MFSD12: variants seen among roughly 807,000 people sequenced by gnomAD.
The protein encoded by MFSD12 is major facilitator superfamily domain containing 12, also known as major facilitator superfamily domain-containing protein 12.
In MFSD12, 67 loss-of-function variants were observed where a neutral mutation model predicts 51.2. The ratio of observed to expected loss-of-function variants is 1.31; its 90% confidence interval spans 1.08 to 1.60. MFSD12 has a LOEUF of 1.60. Among genes scored for constraint, MFSD12 ranks in the 40% most tolerant of loss-of-function variants. The probability of loss-of-function intolerance (pLI) is 0.00; values close to 1 mark genes in which losing one functional copy is unlikely to be tolerated. For synonymous variants in MFSD12, 441 were observed against 316.7 expected (o/e 1.39, Z -4.17); for missense variants, 921 against 673.0 (o/e 1.37, Z -4.08).
downstream of MFSD12, among the ~76,000 whole-genome samples, chr19:3,540,438 A>G (rs1003381678): frequency 2.6e-5 from 4 of 151,226 alleles, no homozygotes; most frequent in African/African-American, 9.7e-5. Context: ...TTGTATTTTT[A>G]GTAGAGACGG....
At position 3,547,917 on chromosome 19, in the gene MFSD12, C is replaced by T. The variant is rs778091634; in HGVS notation, c.768G>A (p.Leu256=). The T allele has an allele frequency of 1.3e-6, 2 of 1,580,448 alleles. No homozygotes were observed. Among genetic ancestry groups the T allele is most frequent in the Admixed American group, 2.0e-5 (1 of 50,530 alleles). Residue 256 remains leucine, a synonymous_variant, in exon 4 of 10, where the codon CTG becomes CTA. Coordinates refer to ENST00000355415, the MANE Select transcript of MFSD12 (RefSeq NM_174983.5). ...GGGGCTGGGCCGTGGCAGGGGCCAA[C>T]AGGGGGGTGTGCTCGCCTGGCTCCT... The part of the protein sequence containing the change: ...HAEEPGEHTP[L]LAPATAQPLL...
At chr19:3,542,353 G>A (rs1448384506), downstream of MFSD12, 2 of 985,312 alleles carry the variant, frequency 2.0e-6, no homozygotes, top group Non-Finnish European at 2.4e-6. Flanking sequence ...TCCGTGCAGG[G>A]CAGATGAGAT....
In MFSD12 at chr19:3,544,895, G is replaced by T; in HGVS notation, c.1334C>A (p.Ala445Glu). ...CACGCCGCCCGTCACAGCCACCATC[G>T]CCCAGTGGTAAAAGCTCACGCAGGC... ...CRACVSFYHW[A>E]MVAVTGGVGV... The change falls in exon 9 of 10, where the codon GCG (alanine) becomes GAG (glutamate). Residue 445 changes from alanine (A) to glutamate (E), a missense_variant. By Grantham distance (107) the Ala-to-Glu change is moderately radical (BLOSUM62 -1). Coordinates refer to ENST00000355415, the MANE Select transcript of MFSD12 (RefSeq NM_174983.5). The T allele has an allele frequency of 6.2e-7, 1 of 1,611,668 alleles. No homozygotes were observed. Among genetic ancestry groups the T allele is most frequent in the Non-Finnish European group, 8.5e-7 (1 of 1,179,496 alleles).
At position 3,544,320 on chromosome 19, in the gene MFSD12, G is replaced by A; in HGVS notation, c.*390C>T. 7.9e-7 allele frequency: 1 copy of A among 1,272,554 alleles called. No homozygotes were observed. The highest frequency in any genetic ancestry group is 9.9e-7 in the Non-Finnish European group (1 of 1,009,238). The allele number at this position is 1,272,554 out of a possible 1,614,324, so 78.8% of individuals were successfully genotyped here. A position where few individuals can be genotyped will look rare whatever the true frequency, so the allele number is the denominator to read the frequency against. On this transcript the variant is annotated 3_prime_UTR_variant, in exon 10 of 10. Transcript: ENST00000355415. ...CCGTGGCTGTCTCCTCCAGGCTCCA[G>A]CCGTCCTGAGGGGGCCCTGGCAGTG... is the stretch of plus-strand genomic sequence containing the variant.
chr19:3,539,277 A>G, downstream of MFSD12: 2 of 1,521,920 alleles, frequency 1.3e-6, no homozygotes, highest in African/African-American at 1.4e-5. Flanking sequence ...CCCTCCCTAC[A>G]GGTGAGCCCC....
Position 3,544,246 on chromosome 19 carries a change from G to C in MFSD12, c.*464C>G. 7.6e-7 allele frequency: 1 copy of C among 1,320,950 alleles called. No individual in the cohort carries two copies. Among genetic ancestry groups the C allele is most frequent in the Non-Finnish European group, 9.6e-7 (1 of 1,037,396 alleles). 81.8% of individuals were successfully genotyped at this position (1,320,950 alleles called of 1,614,324 possible). A position where few individuals can be genotyped will look rare whatever the true frequency, so the allele number is the denominator to read the frequency against. ...GCCAGCAGAGTCCACCAAGCCTGCC[G>C]GGCAGCCCTGCTGCCCACCACGGTG... On this transcript the variant is annotated 3_prime_UTR_variant, in exon 10 of 10. Transcript: ENST00000355415.
In MFSD12 at chr19:3,545,055, G is replaced by A. The variant is rs2030869490; in HGVS notation, c.1290-116C>T. On this transcript the variant is annotated intron_variant, in intron 8 of 9. Transcript: ENST00000355415. ...CGGCTCCGTCCTGTCCAATCCAGGAGCTGGGGGCCCTGCCACTCCCTCCCT... is the reference window on the plus strand; with the variant it reads ...CGGCTCCGTCCTGTCCAATCCAGGAACTGGGGGCCCTGCCACTCCCTCCCT... The A allele has an allele frequency of 2.2e-6, 3 of 1,379,356 alleles. No individual in the cohort carries two copies. The South Asian group carries it at 4.2e-5, about 20-fold the overall frequency. 85.4% of individuals were successfully genotyped at this position (1,379,356 alleles called of 1,614,324 possible). A position where few individuals can be genotyped will look rare whatever the true frequency, so the allele number is the denominator to read the frequency against.
Position 3,546,427 on chromosome 19 carries a change from T to A in MFSD12, c.1024-2A>T. 1 of 1,602,906 alleles carries A rather than the reference T, an allele frequency of 6.2e-7. No individual in the cohort carries two copies. Among genetic ancestry groups the A allele is most frequent in the Non-Finnish European group, 8.5e-7 (1 of 1,175,574 alleles). On this transcript the variant is annotated splice_acceptor_variant, in intron 6 of 9. Coordinates refer to ENST00000355415, the MANE Select transcript of MFSD12 (RefSeq NM_174983.5). LOFTEE classifies it high-confidence loss of function. ...CAGGAGGCCTGAGAAGTAGGTCATC[T>A]GCAGGGACAGCCCCGGGGTCAGGCC...
exon 5 of MFSD12, chr19:3,538,419 C>A: frequency 3.3e-6 from 1 of 306,860 alleles, no homozygotes; most frequent in South Asian, 2.7e-5. Context: ...CAGCCCTGTC[C>A]CCATTATGTC....
rs192445072 is a variant in MFSD12 at position 3,546,546 on chromosome 19, A to T, written c.1024-121T>A. 2.4e-4 allele frequency: 296 copies of T among 1,225,758 alleles called. No individual in the cohort carries two copies. The African/African-American group carries it at 4.0e-3, about 16-fold the overall frequency. The allele number at this position is 1,225,758 out of a possible 1,614,324, so 75.9% of individuals were successfully genotyped here. A position where few individuals can be genotyped will look rare whatever the true frequency, so the allele number is the denominator to read the frequency against. ...GGCATGAGCTGGATGGTCCCTAAGG[A>T]GCCCTGGCTCTGGCCCTGGACACAA... On this transcript the variant is annotated intron_variant, in intron 6 of 9. Coordinates refer to ENST00000355415, the MANE Select transcript of MFSD12 (RefSeq NM_174983.5).
intron 1 of MFSD12, among the ~76,000 whole-genome samples, chr19:3,554,249 C>T (rs113236898): frequency 7.3e-4 from 111 of 151,544 alleles, no homozygotes; most frequent in African/African-American, 2.6e-3. Context: ...CCAGCCTGGA[C>T]AATATGGTGA....
In MFSD12 at chr19:3,546,161, C is replaced by A. The variant is rs765011420; in HGVS notation, c.1202G>T (p.Gly401Val). Residue 401 changes from glycine (G) to valine (V), a missense_variant, in exon 8 of 10, where the codon GGA becomes GTA. Transcript: ENST00000355415. ...GCTCATGGAGCCGTACACGAACGCT[C>A]CGCTGTTCTGTGGAGACACAGGCGA... ...ADLIGPHTNS[G>V]AFVYGSMSFL... The A allele has an allele frequency of 1.9e-5, 30 of 1,612,990 alleles. No individual in the cohort carries two copies. Among genetic ancestry groups the A allele is most frequent in the Non-Finnish European group, 2.5e-5 (29 of 1,179,936 alleles).
At chr19:3,543,214 C>T (rs7248635), downstream of MFSD12, 1 of 1,538,148 alleles carries the variant, frequency 6.5e-7, no homozygotes, top group Middle Eastern at 1.8e-4. Flanking sequence ...GGCTCAGTCT[C>T]TGCCCCCTGC....
At chr19:3,544,985 C>G (rs760282586) in intron 8 of MFSD12, 46 bp from the exon 9 acceptor site, 61 of 1,550,034 alleles carry the variant, frequency 3.9e-5, no homozygotes, top group Non-Finnish European at 5.1e-5. Flanking sequence ...GGTACCACCC[C>G]CCCGCCACCC....
At chr19:3,546,555 TCTGGCC>T in intron 6 of MFSD12, 130 bp from the exon 7 acceptor site, 1 of 1,125,752 alleles carries the variant, frequency 8.9e-7, no homozygotes, top group Non-Finnish European at 1.2e-6. Flanking sequence ...GAGCCCTGGC[TCTGGCC>T]CTGGACACAA....
At chr19:3,550,884 C>T (rs8110357) in intron 2 of MFSD12, 100 bp downstream of exon 2, 9 of 969,920 alleles carry the variant, frequency 9.3e-6, no homozygotes, top group East Asian at 2.6e-5. Flanking sequence ...TGCCTGGTCT[C>T]GAGCTGCCGA....
downstream of MFSD12, chr19:3,543,480 GCCCCCC>G (rs34196068): frequency 3.3e-5 from 44 of 1,338,726 alleles, 1 homozygote; most frequent in Non-Finnish European, 4.1e-5. Context: ...TCGGGTGAGT[GCCCCCC>G]CCCCCGCCCT....
intron 2 of MFSD12, among the ~76,000 whole-genome samples, chr19:3,548,827 C>CG (rs2031282615): frequency 6.6e-6 from 1 of 152,212 alleles, no homozygotes; most frequent in African/African-American, 2.4e-5. Context: ...GGTCTGGCCC[C>CG]GGTCAGATGG....
At position 3,545,586 on chromosome 19, in the gene MFSD12, G is replaced by A. The variant is rs115711513; in HGVS notation, c.1289+488C>T. 1.3e-3 allele frequency among the ~76,000 whole-genome samples: 195 copies of A among 152,306 alleles called. 1 individual carries two copies. Among genetic ancestry groups the A allele is most frequent in the African/African-American group, 4.5e-3 (185 of 41,560 alleles). ...AAGCCCTCCCTGGCTTCCTGCCCTG[G>A]CTGTCCAGGTTTCTCTGAGCGTTCA... On this transcript the variant is annotated intron_variant, in intron 8 of 9. Coordinates refer to ENST00000355415, the MANE Select transcript of MFSD12 (RefSeq NM_174983.5).
Sources: allele counts gnomAD v4.1 joint callset (sites outside exome capture counted in the v4.1 genomes callset), GRCh38; gene constraint gnomAD v4.1.1; transcripts MANE v1.5; gene names NCBI Gene and HGNC (gene_info 2026-07-23, HGNC 2026-07-21).